Variants in BAZ2B observed in about 807,000 individuals in gnomAD.
The protein encoded by BAZ2B is bromodomain adjacent to zinc finger domain 2B.
A neutral mutation model predicts 246.0 loss-of-function variants in BAZ2B; 91 were observed. That is an observed-to-expected ratio of 0.37 (90% CI 0.31 to 0.44). The LOEUF (loss-of-function observed/expected upper bound fraction) is 0.44. BAZ2B is among the 20% of genes least tolerant of loss of function. The probability of loss-of-function intolerance (pLI) is 1.00; values close to 1 mark genes in which losing one functional copy is unlikely to be tolerated. For missense variants in BAZ2B, 2,332 were observed against 2,533.7 expected, an observed-to-expected ratio of 0.92 and a Z score of 1.71; for synonymous variants, 855 against 860.0, an observed-to-expected ratio of 0.99 and a Z score of 0.10.
chr2:159,710,385 CT>C, the BAZ2B span, among the ~76,000 whole-genome samples: 5 of 151,886 alleles, frequency 3.3e-5, no homozygotes, highest in East Asian at 7.7e-4. Context: ...ATTTTTTGTA[CT>C]TTTAGTAGAG....
chr2:159,369,889 T>A (rs7580985), intron 27 of BAZ2B, among the ~76,000 whole-genome samples: 100,317 of 152,010 alleles, frequency 0.66, 35,354 homozygotes, highest in Non-Finnish European at 0.81. Flanking sequence ...TACCCAGTAA[T>A]GGGATGGCTG....
intron 1 of BAZ2B, among the ~76,000 whole-genome samples, chr2:159,562,263 C>G (rs903270988): frequency 1.3e-5 from 2 of 152,130 alleles, no homozygotes; most frequent in African/African-American, 2.4e-5. Context: ...AGACAGCTAA[C>G]AAAAGCCTTA....
intron 8 of BAZ2B, 89 bp from the exon 9 acceptor site, chr2:159,433,452 T>A (rs780125113): frequency 2.7e-5 from 31 of 1,151,246 alleles, no homozygotes; most frequent in Non-Finnish European, 3.6e-5. Flanking sequence ...AAACAAATTA[T>A]AGCTATTATA....
the BAZ2B span, among the ~76,000 whole-genome samples, chr2:159,702,090 T>G: frequency 6.6e-6 from 1 of 151,344 alleles, no homozygotes; most frequent in East Asian, 1.9e-4. Flanking sequence ...TCACTACATA[T>G]CTGTGCCAAT....
chr2:159,428,244 C>T (rs557226960), intron 12 of BAZ2B, 67 bp downstream of exon 12: 1 of 1,355,208 alleles, frequency 7.4e-7, no homozygotes. Context: ...AAGGAGTACA[C>T]TTTTTTTTTG....
chr2:159,494,876 A>C (rs1320354244), intron 2 of BAZ2B, among the ~76,000 whole-genome samples: 27 of 94,370 alleles, frequency 2.9e-4, no homozygotes, highest in Admixed American at 2.5e-3. Flanking sequence ...CAAATACACT[A>C]CCTCAAGGGT....
chr2:159,480,066 T>C (rs1184312051), intron 2 of BAZ2B, among the ~76,000 whole-genome samples: 1 of 152,120 alleles, frequency 6.6e-6, no homozygotes, highest in African/African-American at 2.4e-5. Context: ...TAATGAACTC[T>C]GAGACATGTG....
In BAZ2B at chr2:159,438,334, C is replaced by G; in HGVS notation, c.1262G>C (p.Ser421Thr). 1.2e-6 allele frequency: 2 copies of G among 1,613,812 alleles called. No individual in the cohort carries two copies. The highest frequency in any genetic ancestry group is 2.2e-5 in the South Asian group (2 of 91,022). The part of the protein sequence containing the change: ...AGNKNTSEES[S>T]LLTSELRSKR... ...GGATCTCAATTCACTGGTCAATAAA[C>G]TAGATTCTTCAGAGGTATTTTTATT... The change falls in exon 8 of 37, where the codon AGT becomes ACT. Residue 421 changes from serine (S) to threonine (T), a missense_variant. Ser to Thr is a moderately conservative substitution (Grantham distance 58). This residue lies in a region of BAZ2B where 651 missense variants were observed against 650.9 expected (regional missense o/e 1.00). Transcript: ENST00000392783.
In BAZ2B at chr2:159,395,750, T is replaced by C. The variant is rs1381236171; in HGVS notation, c.3075+19A>G. The stretch of plus-strand genomic sequence containing the variant: ...GCATTACTTTATAAGGTAATATTTT[T>C]CTAGAAACATACACTTACTTCTGCT... On this transcript the variant is annotated intron_variant, in intron 20 of 36. Coordinates refer to ENST00000392783, the MANE Select transcript of BAZ2B (RefSeq NM_013450.4). 1.3e-6 allele frequency: 2 copies of C among 1,582,078 alleles called. No homozygotes were observed. The highest frequency in any genetic ancestry group is 1.7e-6 in the Non-Finnish European group (2 of 1,156,116).
chr2:159,627,701 CA>C, the BAZ2B span, among the ~76,000 whole-genome samples: 2 of 152,132 alleles, frequency 1.3e-5, no homozygotes, highest in African/African-American at 4.8e-5. Context: ...GATAAACCCA[CA>C]ATAAATATCA....
chr2:159,492,572 T>C lies in BAZ2B; in HGVS notation c.-2-13851A>G, dbSNP rs184756738. On this transcript the variant is annotated intron_variant, in intron 2 of 36. Coordinates refer to ENST00000392783, the MANE Select transcript of BAZ2B (RefSeq NM_013450.4). ...ATACTTTGCTTAAAACAGTTGCTTATTGAATGTTTGTTGAATAAATGAAAA... is the reference window on the plus strand; with the variant it reads ...ATACTTTGCTTAAAACAGTTGCTTACTGAATGTTTGTTGAATAAATGAAAA... Among the ~76,000 whole-genome samples, 784 of 152,342 alleles carry C rather than the reference T, an allele frequency of 5.1e-3. 11 individuals carry two copies. Among genetic ancestry groups the C allele is most frequent in the South Asian group, 0.045 (217 of 4,822 alleles).
chr2:159,686,854 A>AAC, the BAZ2B span, among the ~76,000 whole-genome samples: 4 of 152,070 alleles, frequency 2.6e-5, no homozygotes, highest in African/African-American at 7.2e-5. Context: ...CACCCTGGCT[A>AAC]ACATGGTGAA....
chr2:159,386,243 A>T (rs1398381121), intron 22 of BAZ2B, 110 bp downstream of exon 22: 5 of 1,197,396 alleles, frequency 4.2e-6, no homozygotes, highest in Non-Finnish European at 5.7e-6. Context: ...GTGAGACATT[A>T]TGTGGAAAAA....
chr2:159,452,738 A>G (rs922953309), intron 4 of BAZ2B, among the ~76,000 whole-genome samples: 5 of 152,216 alleles, frequency 3.3e-5, no homozygotes, highest in Non-Finnish European at 7.3e-5. Context: ...CTCATTATCT[A>G]TAGAATTTTG....
At chr2:159,709,007 TAAA>T in the BAZ2B span, among the ~76,000 whole-genome samples, 1 of 152,232 alleles carries the variant, frequency 6.6e-6, no homozygotes, top group South Asian at 2.1e-4. Flanking sequence ...TAAAAATTTA[TAAA>T]GGCACTAAAT....
intron 1 of BAZ2B, among the ~76,000 whole-genome samples, chr2:159,558,015 C>A (rs1549386): frequency 0.32 from 48,105 of 151,570 alleles, 9,577 homozygotes; most frequent in Admixed American, 0.46. Flanking sequence ...AGAGGAAATG[C>A]AGAGGGAATG....
the BAZ2B span, among the ~76,000 whole-genome samples, chr2:159,641,616 G>A: frequency 4.9e-4 from 75 of 152,088 alleles, no homozygotes; most frequent in African/African-American, 1.7e-3. Context: ...TTTGGAGTCC[G>A]GTCATGAAAT....
At chr2:159,580,174 C>T (rs981207660) in intron 1 of BAZ2B, among the ~76,000 whole-genome samples, 17 of 152,272 alleles carry the variant, frequency 1.1e-4, no homozygotes, top group East Asian at 3.9e-4. Context: ...AAAACCCCAT[C>T]GTCTCAGCCC....
At chr2:159,480,870 A>G (rs974685838) in intron 2 of BAZ2B, among the ~76,000 whole-genome samples, 2 of 152,020 alleles carry the variant, frequency 1.3e-5, no homozygotes, top group African/African-American at 4.8e-5. Flanking sequence ...TTATTCATGT[A>G]TTATTTTATT....
Sources: allele counts gnomAD v4.1 joint callset (sites outside exome capture counted in the v4.1 genomes callset), GRCh38; gene constraint gnomAD v4.1.1; regional missense constraint gnomAD v4.1.1; transcripts MANE v1.5; gene names NCBI Gene and HGNC (gene_info 2026-07-23, HGNC 2026-07-21).